The following CDC73 variants were observed in gnomAD, a reference collection of about 807,000 sequenced individuals.
CDC73 encodes the protein cell division cycle 73, also known as parafibromin.
A neutral mutation model predicts 83.7 loss-of-function variants in CDC73; 21 were observed. The ratio of observed to expected loss-of-function variants is 0.25; its 90% CI spans 0.18 to 0.36. The LOEUF is 0.36. Among genes scored for constraint, CDC73 ranks in the 10% least tolerant of loss-of-function variants. The probability of loss-of-function intolerance (pLI) is 1.00; values close to 1 mark genes in which losing one functional copy is unlikely to be tolerated. For synonymous variants in CDC73, 224 were observed against 212.9 expected (o/e 1.05, Z -0.45); for missense variants, 342 against 653.3 (o/e 0.52, Z 5.19).
intron 13 of CDC73, among the ~76,000 whole-genome samples, chr1:193,230,676 T>A (rs972173708): frequency 6.6e-6 from 1 of 152,106 alleles, no homozygotes; most frequent in Non-Finnish European, 1.5e-5. Context: ...CATAGTTTAA[T>A]TGGCAGTAGT....
intron 13 of CDC73, among the ~76,000 whole-genome samples, chr1:193,221,368 C>T (rs1426499544): frequency 2.0e-5 from 3 of 152,104 alleles, no homozygotes; most frequent in Admixed American, 1.3e-4. Flanking sequence ...TGCTTCATTA[C>T]ACTTGGTATT....
rs201399082 is a variant in CDC73 at position 193,145,798 on chromosome 1, G to C, written c.730-2069G>C. ...AGTGATAATAGTTATGTTTCAAGCA[G>C]CCTCTCATTTTATATACATATTTAT... is the stretch of plus-strand genomic sequence containing the variant. On this transcript the variant is annotated intron_variant, in intron 7 of 16. Coordinates refer to ENST00000367435, the MANE Select transcript of CDC73 (RefSeq NM_024529.5). Among the ~76,000 whole-genome samples the C allele has an allele frequency of 2.0e-5, 3 of 152,136 alleles. No homozygotes were observed. In the East Asian group the frequency reaches 5.8e-4, roughly 29 times the overall value.
intron 13 of CDC73, among the ~76,000 whole-genome samples, chr1:193,222,517 A>G (rs1290164225): frequency 1.3e-5 from 2 of 152,110 alleles, no homozygotes; most frequent in African/African-American, 4.8e-5. Flanking sequence ...ATACTACTCT[A>G]CTGTCTTCTA....
chr1:193,162,354 A>G (rs1676353041), intron 10 of CDC73, among the ~76,000 whole-genome samples: 2 of 138,662 alleles, frequency 1.4e-5, no homozygotes, highest in Admixed American at 1.6e-4. Context: ...ATATACATAT[A>G]TATTATATAT....
chr1:193,207,795 G>A (rs1189191257), intron 11 of CDC73, among the ~76,000 whole-genome samples: 1 of 152,156 alleles, frequency 6.6e-6, no homozygotes, highest in African/African-American at 2.4e-5. Context: ...TGGTCCTGAG[G>A]TGACATACAT....
At chr1:193,184,754 A>G (rs1465870041) in intron 10 of CDC73, among the ~76,000 whole-genome samples, 2 of 151,948 alleles carry the variant, frequency 1.3e-5, no homozygotes, top group East Asian at 1.9e-4. Flanking sequence ...TTTTAGTACT[A>G]TTTATTATTA....
At chr1:193,214,046 T>G (rs946391837) in intron 13 of CDC73, among the ~76,000 whole-genome samples, 1 of 152,196 alleles carries the variant, frequency 6.6e-6, no homozygotes, top group Non-Finnish European at 1.5e-5. Flanking sequence ...TCCCTCTACT[T>G]TAACCTTTTG....
chr1:193,162,823 C>T (rs1449316301), intron 10 of CDC73, among the ~76,000 whole-genome samples: 9 of 152,068 alleles, frequency 5.9e-5, no homozygotes. Context: ...GTCTTTTTGT[C>T]ATTTCTGTCT....
At position 193,203,863 on chromosome 1, in the gene CDC73, A is replaced by G; in HGVS notation, c.1030+11A>G. On this transcript the variant is annotated intron_variant, in intron 11 of 16. Coordinates refer to ENST00000367435, the MANE Select transcript of CDC73 (RefSeq NM_024529.5). ...CAGTACCAAGACCAGGTAGAAATAT[A>G]GAACTTTGCTTTTTGTTTTCTTTCA... The G allele has an allele frequency of 1.2e-6, 2 of 1,612,682 alleles. No homozygotes were observed. Among genetic ancestry groups the G allele is most frequent in the Non-Finnish European group, 1.7e-6 (2 of 1,178,714 alleles).
At chr1:193,159,059 A>G (rs1025237440) in intron 10 of CDC73, among the ~76,000 whole-genome samples, 4 of 152,200 alleles carry the variant, frequency 2.6e-5, no homozygotes, top group African/African-American at 9.6e-5. Context: ...AGCTCAACAA[A>G]TGGTACTTGT....
At chr1:193,155,093 C>T (rs1404441022) in intron 10 of CDC73, among the ~76,000 whole-genome samples, 2 of 152,120 alleles carry the variant, frequency 1.3e-5, no homozygotes, top group African/African-American at 4.8e-5. Context: ...ATATGCAAGA[C>T]TAAATTATGC....
chr1:193,150,991 T>C (rs1676095228), intron 9 of CDC73, among the ~76,000 whole-genome samples: 2 of 152,198 alleles, frequency 1.3e-5, no homozygotes, highest in Non-Finnish European at 2.9e-5. Flanking sequence ...AAGTTATAAA[T>C]GTGTATGTAC....
intron 10 of CDC73, among the ~76,000 whole-genome samples, chr1:193,171,818 A>G (rs765615736): frequency 1.3e-5 from 2 of 152,226 alleles, no homozygotes; most frequent in African/African-American, 4.8e-5. Context: ...ATTGTTCTGC[A>G]TACCACCACA....
At chr1:193,124,683 G>A (rs1171057143) in intron 1 of CDC73, among the ~76,000 whole-genome samples, 1 of 152,150 alleles carries the variant, frequency 6.6e-6, no homozygotes, top group Non-Finnish European at 1.5e-5. Context: ...GAATGTGAAG[G>A]ATGTTGTTCA....
At chr1:193,245,113 A>C (rs551124644) in intron 15 of CDC73, among the ~76,000 whole-genome samples, 1 of 152,240 alleles carries the variant, frequency 6.6e-6, no homozygotes, top group Admixed American at 6.5e-5. Context: ...TAGCATAGCT[A>C]TCATCTCAAA....
chr1:193,223,502 A>C (rs1029198282), intron 13 of CDC73, among the ~76,000 whole-genome samples: 1 of 152,146 alleles, frequency 6.6e-6, no homozygotes, highest in African/African-American at 2.4e-5. Context: ...TTTTCCTTGC[A>C]GTTGTCAAAA....
chr1:193,213,956 C>T (rs1677318962), intron 13 of CDC73, among the ~76,000 whole-genome samples: 1 of 152,112 alleles, frequency 6.6e-6, no homozygotes, highest in African/African-American at 2.4e-5. Context: ...ACAAATTATC[C>T]AGGAGCCCCT....
intron 13 of CDC73, among the ~76,000 whole-genome samples, chr1:193,230,275 A>G (rs867613464): frequency 3.3e-5 from 5 of 150,672 alleles, no homozygotes; most frequent in Non-Finnish European, 7.4e-5. Context: ...CAGCTTCCAG[A>G]GTAGCTGGGA....
chr1:193,201,805 T>G (rs1421394678), intron 10 of CDC73, among the ~76,000 whole-genome samples: 2 of 152,180 alleles, frequency 1.3e-5, no homozygotes, highest in African/African-American at 4.8e-5. Context: ...AAATTCGTAC[T>G]CTTTGTTATA....
Sources: allele counts gnomAD v4.1 joint callset (sites outside exome capture counted in the v4.1 genomes callset), GRCh38; gene constraint gnomAD v4.1.1; transcripts MANE v1.5; gene names NCBI Gene and HGNC (gene_info 2026-07-23, HGNC 2026-07-21).